Variants in ENPP7 observed in about 807,000 individuals in gnomAD.
ENPP7 encodes ectonucleotide pyrophosphatase/phosphodiesterase family member 7.
A neutral mutation model predicts 33.6 loss-of-function variants in ENPP7; 39 were observed. The observed-to-expected ratio is 1.16, with a 90% CI of 0.90 to 1.52. The LOEUF (loss-of-function observed/expected upper bound fraction) is 1.52, where lower values mean the gene tolerates loss of function less well. Ranked by LOEUF, ENPP7 falls within the 40% of genes most tolerant of loss-of-function variation. The pLI, the probability that ENPP7 is intolerant of heterozygous loss-of-function variation, is 0.00. For missense variants in ENPP7, 594 were observed against 641.0 expected (o/e 0.93, Z 0.79); for synonymous variants, 244 against 274.3 (o/e 0.89, Z 1.09).
At chr17:79,731,794 G>T (rs1395807537) in intron 1 of ENPP7, among the ~76,000 whole-genome samples, 1 of 152,092 alleles carries the variant, frequency 6.6e-6, no homozygotes, top group Admixed American at 6.6e-5. Context: ...ACAGACATAG[G>T]TTTTTAAAAA....
chr17:79,734,909 G>A (rs540108372), intron 2 of ENPP7, 134 bp from the exon 3 acceptor site: 59 of 888,400 alleles, frequency 6.6e-5, no homozygotes, highest in Middle Eastern at 7.0e-4. Flanking sequence ...TAAAGGCCCC[G>A]CAGCTGCAGC....
At position 79,738,078 on chromosome 17, in the gene ENPP7, G is replaced by A; in HGVS notation, c.*16+16G>A. ...ATGGCTCAAGGTCAGAGACCCAGAA[G>A]GCAGAGGCGGGAGGGTGGCCCCACG... On this transcript the variant is annotated intron_variant, in intron 5 of 5. Transcript: ENST00000328313. The surrounding 1 kb of genome is among the most constrained non-coding windows in gnomAD (Gnocchi z 6.2). The A allele has an allele frequency of 1.2e-6, 2 of 1,601,170 alleles. No individual in the cohort carries two copies. The highest frequency in any genetic ancestry group is 1.7e-6 in the Non-Finnish European group (2 of 1,177,704).
chr17:79,735,585 G>A lies in ENPP7; in HGVS notation c.942G>A (p.Ala314=), dbSNP rs146616694. The A allele has an allele frequency of 1.4e-4, 221 of 1,613,716 alleles. 1 individual carries two copies. Among genetic ancestry groups the A allele is most frequent in the East Asian group, 5.6e-4 (25 of 44,886 alleles). The change falls in exon 3 of 6, where the codon GCG becomes GCA. Residue 314 remains alanine, a synonymous_variant. Coordinates refer to ENST00000328313, the MANE Select transcript of ENPP7 (RefSeq NM_178543.5). This position sits in a 1 kb window ranked among gnomAD's most constrained non-coding sequence, Gnocchi z 5.5. ...AGCTCCACGTCTACAAGAAGGAGGC[G>A]TTCCCCGAGGCCTTCCACTACGCCA... is the stretch of plus-strand genomic sequence containing the variant. ...HPKLHVYKKE[A]FPEAFHYANN...
At position 79,735,010 on chromosome 17, in the gene ENPP7, G is replaced by A. The variant is rs2094292454; in HGVS notation, c.400-33G>A. On this transcript the variant is annotated intron_variant, in intron 2 of 5. Transcript: ENST00000328313. This position sits in a 1 kb window ranked among gnomAD's most constrained non-coding sequence, Gnocchi z 5.5. ...ATGAGACAAGGGGCAGCCCACTGAG[G>A]AGTCCTGTCTTTCACGCTGCCTTGT... 1.2e-6 allele frequency: 2 copies of A among 1,603,908 alleles called. No homozygotes were observed. Among genetic ancestry groups the A allele is most frequent in the South Asian group, 1.1e-5 (1 of 90,156 alleles).
rs1555823224 is a variant in ENPP7 at position 79,735,111 on chromosome 17, G to A, written c.468G>A (p.Arg156=). ...CCTACCAAGGGGTGGCTGTGACGCG[G>A]AGCCGGAAAGAAGGCATCGCACACA... ...NVTYQGVAVT[R]SRKEGIAHNY... is the part of the protein sequence containing the mutation. The change falls in exon 3 of 6, where the codon CGG becomes CGA. Residue 156 remains arginine (R), a synonymous_variant. Coordinates refer to ENST00000328313, the MANE Select transcript of ENPP7 (RefSeq NM_178543.5). This position sits in a 1 kb window ranked among gnomAD's most constrained non-coding sequence, Gnocchi z 5.5. The A allele has an allele frequency of 6.2e-7, 1 of 1,613,086 alleles. No homozygotes were observed. Among genetic ancestry groups the A allele is most frequent in the African/African-American group, 1.3e-5 (1 of 75,048 alleles).
chr17:79,736,536 CGTGTGTGTGTGTGTGTGT>C (rs58744239), intron 3 of ENPP7, among the ~76,000 whole-genome samples: 1 of 146,010 alleles, frequency 6.8e-6, no homozygotes, highest in South Asian at 2.2e-4. Flanking sequence ...GTGTGATAGG[CGTGTGTGTGTGTGTGTGT>C]GTGTGTGTGT....
chr17:79,737,114 G>C lies in ENPP7; in HGVS notation c.1100G>C (p.Arg367Pro). The change falls in exon 4 of 6, where the codon CGC becomes CCC. Residue 367 changes from arginine (R) to proline (P), a missense_variant. This residue lies in a region of ENPP7 where 504 missense variants were observed against 512.8 expected (regional missense o/e 0.98). Transcript: ENST00000328313. The surrounding 1 kb of genome is among the most constrained non-coding windows in gnomAD (Gnocchi z 5.5). ...GACATGGACATGAAGACCATCTTCCGCGCTGTGGGCCCTAGCTTCAGGGCG... is the reference window on the plus strand; with the variant it reads ...GACATGGACATGAAGACCATCTTCCCCGCTGTGGGCCCTAGCTTCAGGGCG... ...NKDMDMKTIF[R>P]AVGPSFRAGL... The C allele has an allele frequency of 6.2e-7, 1 of 1,614,172 alleles. No homozygotes were observed. The highest frequency in any genetic ancestry group is 1.3e-5 in the African/African-American group (1 of 75,062).
rs78792946 is a variant in ENPP7 at position 79,737,465 on chromosome 17, C to T, written c.1246+205C>T. 6.8e-3 allele frequency among the ~76,000 whole-genome samples: 1,043 copies of T among 152,284 alleles called. 8 individuals carry two copies. The highest frequency in any genetic ancestry group is 0.024 in the African/African-American group (980 of 41,566). Reference sequence around the variant, plus strand: ...ATGCATCTCGGGCGGCACGAGAGGGCGAGGGGGAGGAGTGGGCAGTCTTGC... The same window carrying T: ...ATGCATCTCGGGCGGCACGAGAGGGTGAGGGGGAGGAGTGGGCAGTCTTGC... On this transcript the variant is annotated intron_variant, in intron 4 of 5. Transcript: ENST00000328313. This position sits in a 1 kb window ranked among gnomAD's most constrained non-coding sequence, Gnocchi z 5.5.
chr17:79,741,619 T>C (rs1431271398), intron 5 of ENPP7, among the ~76,000 whole-genome samples, 175 bp from the exon 6 acceptor site: 1 of 150,692 alleles, frequency 6.6e-6, no homozygotes, highest in African/African-American at 2.5e-5. Context: ...CGCAGCCTGG[T>C]AGGGCCGCCC....
At position 79,731,082 on chromosome 17, in the gene ENPP7, T is replaced by G; in HGVS notation, c.-58T>G. 1 of 1,528,718 alleles carries G rather than the reference T, an allele frequency of 6.5e-7. No homozygotes were observed. The highest frequency in any genetic ancestry group is 8.8e-7 in the Non-Finnish European group (1 of 1,139,732). The allele number at this position is 1,528,718 out of a possible 1,614,324, so 94.7% of individuals were successfully genotyped here. A position where few individuals can be genotyped will look rare whatever the true frequency, so the allele number is the denominator to read the frequency against. On this transcript the variant is annotated 5_prime_UTR_variant, in exon 1 of 6. Transcript: ENST00000328313. ...CCCGGGTGACCCTGGGACTTTGTCC[T>G]CCTCGGCAGGAGCCAGCCCTGTGCA...
intron 2 of ENPP7, among the ~76,000 whole-genome samples, chr17:79,734,147 C>A (rs146139026): frequency 1.3e-5 from 2 of 151,090 alleles, no homozygotes; most frequent in South Asian, 2.1e-4. Flanking sequence ...GGAACCCCCC[C>A]ACCCACCCCC....
At chr17:79,736,652 C>A (rs1555823667) in intron 3 of ENPP7, among the ~76,000 whole-genome samples, 1 of 152,032 alleles carries the variant, frequency 6.6e-6, no homozygotes, top group Non-Finnish European at 1.5e-5. Context: ...GAGTCAGGAG[C>A]CCAACCTCCC....
intron 5 of ENPP7, among the ~76,000 whole-genome samples, chr17:79,740,135 C>A (rs2094302808): frequency 1.3e-5 from 2 of 152,206 alleles, no homozygotes; most frequent in South Asian, 4.1e-4. Flanking sequence ...GAGGTGGAGG[C>A]TGCAGTGAGC....
chr17:79,735,407 G>A lies in ENPP7; in HGVS notation c.764G>A (p.Arg255Gln), dbSNP rs372623650. The A allele has an allele frequency of 4.3e-6, 7 of 1,613,912 alleles. No homozygotes were observed. The highest frequency in any genetic ancestry group is 4.5e-5 in the East Asian group (2 of 44,884). The change falls in exon 3 of 6, where the codon CGG becomes CAG. Residue 255 changes from arginine (R) to glutamine (Q), a missense_variant. Physicochemically the swap from Arg to Gln is conservative, Grantham distance 43 (BLOSUM62 1). Transcript: ENST00000328313. The surrounding 1 kb of genome is among the most constrained non-coding windows in gnomAD (Gnocchi z 5.5). ...SDHGMTTVDK[R>Q]AGDLVEFHKF... ...CACGGCATGACGACCGTGGACAAACGGGCTGGCGACCTGGTTGAATTCCAC... is the reference window on the plus strand; with the variant it reads ...CACGGCATGACGACCGTGGACAAACAGGCTGGCGACCTGGTTGAATTCCAC...
intron 1 of ENPP7, among the ~76,000 whole-genome samples, chr17:79,731,789 C>G (rs1555822551): frequency 6.6e-6 from 1 of 152,140 alleles, no homozygotes; most frequent in Non-Finnish European, 1.5e-5. Flanking sequence ...ACAATACAGA[C>G]ATAGGTTTTT....
At chr17:79,734,514 G>C (rs896418877) in intron 2 of ENPP7, among the ~76,000 whole-genome samples, 64 of 143,890 alleles carry the variant, frequency 4.4e-4, no homozygotes, top group African/African-American at 1.6e-3. Flanking sequence ...GTCTCGCTCT[G>C]TCGCCCAGGC....
Position 79,735,539 on chromosome 17 carries a change from C to T in ENPP7, c.896C>T (p.Ala299Val), listed in dbSNP as rs782491820. The T allele has an allele frequency of 5.6e-6, 9 of 1,613,792 alleles. No individual in the cohort carries two copies. The highest frequency in any genetic ancestry group is 5.3e-5 in the African/African-American group (4 of 74,890). ...GGGAGGCTGGAGAAGGTGTACGATGCCCTCAAGGACGCCCACCCCAAGCTC... is the reference window on the plus strand; with the variant it reads ...GGGAGGCTGGAGAAGGTGTACGATGTCCTCAAGGACGCCCACCCCAAGCTC... Reference protein sequence around the residue: ...KEGRLEKVYDALKDAHPKLHV... With the variant: ...KEGRLEKVYDVLKDAHPKLHV... Residue 299 changes from alanine to valine, a missense_variant, in exon 3 of 6, where the codon GCC becomes GTC. Physicochemically the swap from Ala to Val is moderately conservative, Grantham distance 64 (BLOSUM62 0). Around this residue, in one of 3 missense-constraint regions of ENPP7, gnomAD observed 504 missense variants for 512.8 expected, o/e 0.98. Coordinates refer to ENST00000328313, the MANE Select transcript of ENPP7 (RefSeq NM_178543.5). This position sits in a 1 kb window ranked among gnomAD's most constrained non-coding sequence, Gnocchi z 5.5.
At chr17:79,736,534 G>GGC (rs1382033089) in intron 3 of ENPP7, among the ~76,000 whole-genome samples, 1 of 110,902 alleles carries the variant, frequency 9.0e-6, no homozygotes, top group Non-Finnish European at 1.7e-5. Flanking sequence ...CTGTGTGATA[G>GGC]GCGTGTGTGT....
Position 79,735,803 on chromosome 17 carries a change from C to A in ENPP7, c.1026+134C>A. ...GCAATGGCAGGATCTCAGCTCACTGCAGCCTTAAACTCCCAGACTCAAGCG... is the reference window on the plus strand; with the variant it reads ...GCAATGGCAGGATCTCAGCTCACTGAAGCCTTAAACTCCCAGACTCAAGCG... On this transcript the variant is annotated intron_variant, in intron 3 of 5. Coordinates refer to ENST00000328313, the MANE Select transcript of ENPP7 (RefSeq NM_178543.5). This position sits in a 1 kb window ranked among gnomAD's most constrained non-coding sequence, Gnocchi z 5.5. 2 of 801,314 alleles carry A rather than the reference C, an allele frequency of 2.5e-6. No individual in the cohort carries two copies. The highest frequency in any genetic ancestry group is 3.9e-6 in the Non-Finnish European group (2 of 517,336). 49.6% of individuals were successfully genotyped at this position (801,314 alleles called of 1,614,324 possible).
Sources: allele counts gnomAD v4.1 joint callset (sites outside exome capture counted in the v4.1 genomes callset), GRCh38; gene constraint gnomAD v4.1.1; regional missense constraint gnomAD v4.1.1; non-coding constraint Gnocchi (gnomAD v3.1); transcripts MANE v1.5; gene names NCBI Gene and HGNC (gene_info 2026-07-23, HGNC 2026-07-21).